IQGAP1: variants seen among roughly 807,000 people sequenced by gnomAD.
The protein encoded by IQGAP1 is IQ motif containing GTPase activating protein 1, also known as ras GTPase-activating-like protein IQGAP1.
In IQGAP1, 66 loss-of-function variants were observed where a neutral mutation model predicts 215.6. The observed-to-expected ratio is 0.31, with a 90% confidence interval of 0.25 to 0.38. IQGAP1 has a LOEUF of 0.38. IQGAP1 is among the 10% of genes least tolerant of loss of function. IQGAP1 has a pLI of 1.00. For synonymous variants in IQGAP1, 772 were observed against 728.7 expected, an observed-to-expected ratio of 1.06 and a Z score of -0.96; for missense variants, 1,712 against 1,997.1, an observed-to-expected ratio of 0.86 and a Z score of 2.72.
chr15:90,450,805 G>GTTT (rs201504643), intron 11 of IQGAP1, among the ~76,000 whole-genome samples: 1 of 127,356 alleles, frequency 7.9e-6, no homozygotes, highest in African/African-American at 3.4e-5. Flanking sequence ...TATTTGTGGG[G>GTTT]TTTTTTTTTG....
At chr15:90,496,540 G>GGCCTCGATCTGACCTCGTGATCCGCCC (rs1382727118) in intron 36 of IQGAP1, among the ~76,000 whole-genome samples, 1 of 151,948 alleles carries the variant, frequency 6.6e-6, no homozygotes, top group African/African-American at 2.4e-5. Context: ...TGGCCAGGAT[G>GGCCTCGATCTGACCTCGTGATCCGCCC]GCCTCGATCT....
intron 2 of IQGAP1, among the ~76,000 whole-genome samples, chr15:90,414,518 T>TC: frequency 6.6e-6 from 1 of 152,250 alleles, no homozygotes; most frequent in Non-Finnish European, 1.5e-5. Context: ...CACCCGCCTC[T>TC]CTGCAGCATT....
rs1965676889 is a variant in IQGAP1 at position 90,456,147 on chromosome 15, T to C, written c.1613-5T>C. 1 of 1,611,348 alleles carries C rather than the reference T, an allele frequency of 6.2e-7. No homozygotes were observed. Among genetic ancestry groups the C allele is most frequent in the South Asian group, 1.1e-5 (1 of 90,702 alleles). On this transcript the variant is annotated splice_polypyrimidine_tract_variant and splice_region_variant and intron_variant, in intron 14 of 37. Coordinates refer to ENST00000268182, the MANE Select transcript of IQGAP1 (RefSeq NM_003870.4). ...AAAAAAAACTTTCTGTCTCTTTATA[T>C]TTAGGGATTTTAGCCATTGGTTTAA...
At chr15:90,462,034 C>T (rs1237205659) in intron 15 of IQGAP1, among the ~76,000 whole-genome samples, 3 of 148,244 alleles carry the variant, frequency 2.0e-5, no homozygotes, top group Non-Finnish European at 3.0e-5. Context: ...TGGTGGTAGG[C>T]GCCTGCGCCT....
At chr15:90,450,966 C>G (rs1170078485) in intron 11 of IQGAP1, among the ~76,000 whole-genome samples, 1 of 151,958 alleles carries the variant, frequency 6.6e-6, no homozygotes, top group Non-Finnish European at 1.5e-5. Flanking sequence ...AGCTTTTTAG[C>G]TTGACATAGT....
chr15:90,435,825 G>A (rs1239843978), intron 5 of IQGAP1, among the ~76,000 whole-genome samples: 1 of 152,178 alleles, frequency 6.6e-6, no homozygotes, highest in African/African-American at 2.4e-5. Flanking sequence ...AGTATATATA[G>A]AGCAGTGTGT....
At chr15:90,395,530 C>G (rs888516113) in intron 2 of IQGAP1, among the ~76,000 whole-genome samples, 5 of 152,118 alleles carry the variant, frequency 3.3e-5, no homozygotes, top group Admixed American at 2.0e-4. Context: ...CCGTGTTAGC[C>G]AGGATAGTCT....
intron 2 of IQGAP1, among the ~76,000 whole-genome samples, chr15:90,403,273 A>G (rs1289950110): frequency 2.0e-5 from 3 of 152,202 alleles, no homozygotes; most frequent in African/African-American, 4.8e-5. Flanking sequence ...AAGACATGCT[A>G]TGTCATTAGT....
chr15:90,485,233 A>G (rs1291496851), intron 30 of IQGAP1, among the ~76,000 whole-genome samples: 3 of 152,218 alleles, frequency 2.0e-5, no homozygotes, highest in Non-Finnish European at 2.9e-5. Context: ...ACTGGGGATA[A>G]TGGCACCTTG....
At chr15:90,429,761 C>A in intron 4 of IQGAP1, 95 bp downstream of exon 4, 1 of 697,538 alleles carries the variant, frequency 1.4e-6, no homozygotes, top group Non-Finnish European at 2.4e-6. Flanking sequence ...AAATTATTCT[C>A]AGAATCTTTG....
rs146003721 is a variant in IQGAP1, at chr15:90,493,207, C to T, written c.4628+496C>T. On this transcript the variant is annotated intron_variant, in intron 35 of 37. Coordinates refer to ENST00000268182, the MANE Select transcript of IQGAP1 (RefSeq NM_003870.4). Reference sequence around the variant, plus strand: ...GCAGTGAGCCACGATTGCATCACTACACTCCAGCCTGGGCGACAGAACAAG... The same window carrying T: ...GCAGTGAGCCACGATTGCATCACTATACTCCAGCCTGGGCGACAGAACAAG... Among the ~76,000 whole-genome samples the T allele has an allele frequency of 3.8e-3, 571 of 151,364 alleles. 2 individuals are homozygous for T. Among genetic ancestry groups the T allele is most frequent in the African/African-American group, 0.013 (546 of 41,018 alleles).
At chr15:90,417,220 C>G (rs534263660) in intron 2 of IQGAP1, among the ~76,000 whole-genome samples, 4 of 152,156 alleles carry the variant, frequency 2.6e-5, no homozygotes, top group Non-Finnish European at 5.9e-5. Flanking sequence ...AATTAGATCC[C>G]ATTTGTCAAT....
intron 6 of IQGAP1, 105 bp downstream of exon 6, chr15:90,439,504 C>A: frequency 2.7e-6 from 2 of 749,298 alleles, no homozygotes; most frequent in Non-Finnish European, 2.2e-6. Context: ...AATACACTGG[C>A]AGTGGAGGTG....
chr15:90,474,189 C>T (rs1965946773), intron 22 of IQGAP1, 56 bp downstream of exon 22: 1 of 1,461,878 alleles, frequency 6.8e-7, no homozygotes, highest in Non-Finnish European at 9.4e-7. Flanking sequence ...CCACCAAGTT[C>T]AGGGTATTCT....
intron 11 of IQGAP1, among the ~76,000 whole-genome samples, chr15:90,451,626 T>C (rs917130501): frequency 6.8e-6 from 1 of 146,890 alleles, no homozygotes. Flanking sequence ...AAGTTTCTTC[T>C]TTTTTTTTTT....
In IQGAP1 at chr15:90,488,321, A is replaced by G. The variant is rs12899260; in HGVS notation, c.4248+739A>G. On this transcript the variant is annotated intron_variant, in intron 33 of 37. Coordinates refer to ENST00000268182, the MANE Select transcript of IQGAP1 (RefSeq NM_003870.4). Reference sequence around the variant, plus strand: ...CCCATATACTTTAAATCATCTCTAGACTACTTATAATACCTACTACAATAT... The same window carrying G: ...CCCATATACTTTAAATCATCTCTAGGCTACTTATAATACCTACTACAATAT... Among the ~76,000 whole-genome samples the G allele has an allele frequency of 7.8e-3, 1,180 of 152,244 alleles. 6 individuals are homozygous for G. The highest frequency in any genetic ancestry group is 0.013 in the Non-Finnish European group (886 of 68,022).
chr15:90,493,142 CT>C (rs1966228644), intron 35 of IQGAP1, among the ~76,000 whole-genome samples: 1 of 151,708 alleles, frequency 6.6e-6, no homozygotes, highest in Non-Finnish European at 1.5e-5. Context: ...ACTTGGGAGG[CT>C]GAGGCAGGAG....
rs558374026 is a variant in IQGAP1, at chr15:90,427,928, G to C, written c.313-1661G>C. Reference sequence around the variant, plus strand: ...GAATGAGTAAGGCTACAATGTCAAAGAGATAATTTTTATGTTTTATGTTTA... The same window carrying C: ...GAATGAGTAAGGCTACAATGTCAAACAGATAATTTTTATGTTTTATGTTTA... On this transcript the variant is annotated intron_variant, in intron 3 of 37. Coordinates refer to ENST00000268182, the MANE Select transcript of IQGAP1 (RefSeq NM_003870.4). Among the ~76,000 whole-genome samples, 5 of 152,312 alleles carry C rather than the reference G, an allele frequency of 3.3e-5. No individual in the cohort carries two copies. In the East Asian group the frequency reaches 5.8e-4, roughly 18 times the overall value.
In IQGAP1 at chr15:90,453,043, T is replaced by A; in HGVS notation, c.1327-89T>A. 6 of 1,553,774 alleles carry A rather than the reference T, an allele frequency of 3.9e-6. No individual in the cohort carries two copies. The South Asian group carries it at 7.4e-5, about 19-fold the overall frequency. On this transcript the variant is annotated intron_variant, in intron 12 of 37. Transcript: ENST00000268182. ...GTAGAACTTTTTTGCATAAACTTGGTTTTCTTACAGTTTTATTAAACTTAT... is the reference window on the plus strand; with the variant it reads ...GTAGAACTTTTTTGCATAAACTTGGATTTCTTACAGTTTTATTAAACTTAT...
Sources: allele counts gnomAD v4.1 joint callset (sites outside exome capture counted in the v4.1 genomes callset), GRCh38; gene constraint gnomAD v4.1.1; transcripts MANE v1.5; gene names NCBI Gene and HGNC (gene_info 2026-07-23, HGNC 2026-07-21).